SRBD1: variants seen among roughly 807,000 people sequenced by gnomAD.
SRBD1 encodes the protein S1 RNA-binding domain-containing protein 1.
SRBD1 carries 88 observed loss-of-function variants against 115.3 expected under a neutral mutation model. That is an observed-to-expected ratio of 0.76 (90% CI 0.64 to 0.91). The LOEUF (loss-of-function observed/expected upper bound fraction) is 0.91. Ranked by LOEUF, SRBD1 falls within the 40% of genes least tolerant of loss-of-function variation. The probability of loss-of-function intolerance (pLI) is 0.00; values close to 1 mark genes in which losing one functional copy is unlikely to be tolerated. For synonymous variants in SRBD1, 509 were observed against 407.7 expected (o/e 1.25, Z -2.99); for missense variants, 1,385 against 1,177.4 (o/e 1.18, Z -2.58).
At chr2:45,603,251 TTA>T (rs372674450) in intron 2 of SRBD1, among the ~76,000 whole-genome samples, 27 of 152,270 alleles carry the variant, frequency 1.8e-4, no homozygotes, top group African/African-American at 6.5e-4. Context: ...TACCGTTGTG[TTA>T]TACATGATAT....
At chr2:45,463,277 A>T (rs1418897011) in intron 16 of SRBD1, among the ~76,000 whole-genome samples, 3 of 152,200 alleles carry the variant, frequency 2.0e-5, no homozygotes, top group Middle Eastern at 3.2e-3. Context: ...CTTATACCTT[A>T]GGCCTTCCTG....
At chr2:45,420,565 G>C (rs1209535272) in intron 16 of SRBD1, among the ~76,000 whole-genome samples, 2 of 152,034 alleles carry the variant, frequency 1.3e-5, no homozygotes, top group Non-Finnish European at 2.9e-5. Context: ...GACTTATTTA[G>C]AAACCGTAAG....
At chr2:45,410,669 G>C (rs554556697) in intron 19 of SRBD1, among the ~76,000 whole-genome samples, 10 of 152,332 alleles carry the variant, frequency 6.6e-5, no homozygotes, top group Non-Finnish European at 1.2e-4. Flanking sequence ...CAAGTGACTA[G>C]AGGGGTTGTC....
At chr2:45,492,693 C>T (rs2103867806) in intron 14 of SRBD1, among the ~76,000 whole-genome samples, 1 of 152,286 alleles carries the variant, frequency 6.6e-6, no homozygotes, top group Admixed American at 6.5e-5. Context: ...CCTGCCTCGG[C>T]CTCCCAAAGT....
At position 45,574,699 on chromosome 2, in the gene SRBD1, T is replaced by C; in HGVS notation, c.1097A>G (p.Glu366Gly). 6.2e-7 allele frequency: 1 copy of C among 1,613,628 alleles called. No homozygotes were observed. Among genetic ancestry groups the C allele is most frequent in the Non-Finnish European group, 8.5e-7 (1 of 1,179,824 alleles). ...VKGLSTLQDI[E>G]IGVQHILADM... ...TGCTAAAATATGCTGCACTCCTATT[T>C]CAATATCCTGAAGCGTTGAAAGCCC... The change falls in exon 8 of 21, where the codon GAA becomes GGA. Residue 366 changes from glutamate to glycine, a missense_variant. By Grantham distance (98) the Glu-to-Gly change is moderately conservative (BLOSUM62 -2). Transcript: ENST00000263736.
chr2:45,393,432 G>A (rs1285100221), intron 19 of SRBD1, among the ~76,000 whole-genome samples: 6 of 152,198 alleles, frequency 3.9e-5, no homozygotes, highest in African/African-American at 1.2e-4. Context: ...CTAGGCTGGA[G>A]TGCAGTGACA....
chr2:45,408,898 T>C (rs1231184539), intron 19 of SRBD1, among the ~76,000 whole-genome samples: 3 of 152,084 alleles, frequency 2.0e-5, no homozygotes, highest in African/African-American at 4.8e-5. Flanking sequence ...ATATTATAAC[T>C]AGATTATGGA....
At chr2:45,556,991 T>A (rs958439782) in intron 10 of SRBD1, among the ~76,000 whole-genome samples, 13 of 152,064 alleles carry the variant, frequency 8.5e-5, no homozygotes, top group Non-Finnish European at 1.6e-4. Context: ...AAAAGAAACA[T>A]CTGAGATAGG....
chr2:45,470,551 T>G (rs1669617446), intron 16 of SRBD1, among the ~76,000 whole-genome samples: 1 of 152,042 alleles, frequency 6.6e-6, no homozygotes, highest in Non-Finnish European at 1.5e-5. Flanking sequence ...CAAATGGAGG[T>G]GTTAATGAGC....
At chr2:45,579,430 T>C (rs1415511683) in intron 7 of SRBD1, among the ~76,000 whole-genome samples, 2 of 152,146 alleles carry the variant, frequency 1.3e-5, no homozygotes, top group Admixed American at 6.5e-5. Flanking sequence ...ACAGACAATA[T>C]AGGAGAATCT....
At chr2:45,441,379 G>T (rs1668663339) in intron 16 of SRBD1, among the ~76,000 whole-genome samples, 1 of 152,108 alleles carries the variant, frequency 6.6e-6, no homozygotes, top group African/African-American at 2.4e-5. Context: ...TTTATCCATA[G>T]TATTTATTAT....
chr2:45,580,035 C>A, intron 6 of SRBD1, 22 bp from the exon 7 acceptor site: 1 of 1,465,740 alleles, frequency 6.8e-7, no homozygotes, highest in Non-Finnish European at 9.1e-7. Context: ...AGACAGAAAA[C>A]ATATGATTAT....
chr2:45,415,468 G>A (rs1480317451), intron 18 of SRBD1, among the ~76,000 whole-genome samples: 1 of 144,528 alleles, frequency 6.9e-6, no homozygotes, highest in Non-Finnish European at 1.5e-5. Flanking sequence ...ACATCTATAA[G>A]AATATATTTT....
chr2:45,529,891 G>A (rs1295719167), intron 14 of SRBD1, among the ~76,000 whole-genome samples: 6 of 151,984 alleles, frequency 3.9e-5, no homozygotes, highest in Admixed American at 3.3e-4. Flanking sequence ...CTTTGCATCT[G>A]TATCCCTCAA....
chr2:45,498,619 C>A (rs571137578), intron 14 of SRBD1, among the ~76,000 whole-genome samples: 2 of 152,214 alleles, frequency 1.3e-5, no homozygotes, highest in African/African-American at 4.8e-5. Flanking sequence ...CACTGTACTA[C>A]GGAATACTAG....
At chr2:45,415,839 A>G (rs1050667808) in intron 18 of SRBD1, among the ~76,000 whole-genome samples, 1 of 150,030 alleles carries the variant, frequency 6.7e-6, no homozygotes, top group Non-Finnish European at 1.5e-5. Flanking sequence ...CTAAAATCCC[A>G]GATCATCTTA....
intron 15 of SRBD1, among the ~76,000 whole-genome samples, chr2:45,485,929 T>G (rs1315765231): frequency 1.3e-5 from 2 of 152,172 alleles, no homozygotes; most frequent in African/African-American, 4.8e-5. Flanking sequence ...GGACCAGATT[T>G]TAAAGACTCA....
At chr2:45,550,089 T>A (rs1672248633) in intron 12 of SRBD1, among the ~76,000 whole-genome samples, 1 of 152,146 alleles carries the variant, frequency 6.6e-6, no homozygotes, top group Non-Finnish European at 1.5e-5. Flanking sequence ...TATAACCCTA[T>A]TTTTCAAAGT....
chr2:45,579,620 T>C (rs953747759), intron 7 of SRBD1, among the ~76,000 whole-genome samples: 2 of 151,828 alleles, frequency 1.3e-5, no homozygotes, highest in Admixed American at 6.6e-5. Flanking sequence ...ATGACAAAAA[T>C]TATTTTAAAA....
Sources: gnomAD v4.1 joint callset for allele counts (sites outside exome capture counted in the v4.1 genomes callset) on GRCh38, gnomAD v4.1.1 for gene constraint, MANE v1.5 for transcripts, NCBI Gene and HGNC (gene_info 2026-07-23, HGNC 2026-07-21) for gene names.